The following EYS variants were observed in gnomAD, a reference collection of about 807,000 sequenced individuals.
EYS encodes the protein protein eyes shut homolog.
A neutral mutation model predicts 282.1 loss-of-function variants in EYS; 250 were observed. That is an observed-to-expected ratio of 0.89 (90% confidence interval 0.80 to 0.98). The LOEUF (loss-of-function observed/expected upper bound fraction) is 0.98, where lower values mean the gene tolerates loss of function less well. Ranked by LOEUF, EYS falls within the 50% of genes least tolerant of loss-of-function variation. The probability of loss-of-function intolerance (pLI) is 0.00; values close to 1 mark genes in which losing one functional copy is unlikely to be tolerated. For missense variants in EYS, 4,016 were observed against 3,709.0 expected, an observed-to-expected ratio of 1.08 and a Z score of -2.15; for synonymous variants, 1,355 against 1,282.9, an observed-to-expected ratio of 1.06 and a Z score of -1.20.
intron 11 of EYS, 139 bp downstream of exon 11, chr6:65,334,841 T>C: frequency 5.8e-6 from 4 of 686,438 alleles, no homozygotes; most frequent in South Asian, 5.3e-5. Context: ...ACTATATATG[T>C]ATATGTAAGT....
rs769300420 is a variant in EYS at position 65,494,771 on chromosome 6, G to A, written c.640C>T (p.Leu214Phe). Residue 214 changes from leucine (L) to phenylalanine (F), a missense_variant, in exon 4 of 43, where the codon CTT becomes TTT. By Grantham distance (22) the Leu-to-Phe change is conservative. Transcript: ENST00000503581. The stretch of plus-strand genomic sequence containing the variant: ...CATGGTTTAAAAGAACATGCATCAA[G>A]TTCCTGGCAGTATTTTCCAGAAAAT... ...PPFSGKYCQE[L>F]DACSFKPCKN... The A allele has an allele frequency of 1.2e-6, 2 of 1,614,048 alleles. No individual in the cohort carries two copies. Among genetic ancestry groups the A allele is most frequent in the South Asian group, 1.1e-5 (1 of 91,080 alleles).
In EYS at chr6:64,502,257, T is replaced by G. The variant is rs565497039; in HGVS notation, c.5645-62905A>C. On this transcript the variant is annotated intron_variant, in intron 26 of 42. Transcript: ENST00000503581. ...GTTTTGTTTTGTTTTGTTTTGTTTT[T>G]TTTGCCGGAGTCTCCCTCTGTCGCC... 1.5e-3 allele frequency among the ~76,000 whole-genome samples: 224 copies of G among 151,246 alleles called. 1 individual carries two copies. Among genetic ancestry groups the G allele is most frequent in the African/African-American group, 7.4e-4 (30 of 40,738 alleles).
rs1764476685 is a variant in EYS, at chr6:65,146,298, T to C, written c.2024-88571A>G. Among the ~76,000 whole-genome samples, 4 of 151,962 alleles carry C rather than the reference T, an allele frequency of 2.6e-5. No individual in the cohort carries two copies. The South Asian group carries it at 8.3e-4, about 32-fold the overall frequency. On this transcript the variant is annotated intron_variant, in intron 12 of 42. Transcript: ENST00000503581. ...TCATTAGGAAAGAAAATAACTGACA[T>C]AAACAATCGCAAAAACAAAAATAAT...
At chr6:65,187,549 A>C (rs1581996551) in intron 12 of EYS, among the ~76,000 whole-genome samples, 1 of 151,730 alleles carries the variant, frequency 6.6e-6, no homozygotes, top group Middle Eastern at 3.4e-3. Flanking sequence ...TGCAGTTTTC[A>C]CTTCTATTTG....
chr6:64,297,494 T>C (rs1769073278), intron 30 of EYS, among the ~76,000 whole-genome samples: 1 of 152,158 alleles, frequency 6.6e-6, no homozygotes, highest in African/African-American at 2.4e-5. Context: ...TTTTGAAAAC[T>C]AAAGACGAAG....
chr6:65,207,280 A>G (rs1163157000), intron 12 of EYS, among the ~76,000 whole-genome samples: 1 of 151,640 alleles, frequency 6.6e-6, no homozygotes, highest in Non-Finnish European at 1.5e-5. Context: ...AAATAGCCAC[A>G]TGCACAAACA....
At chr6:65,535,422 T>A (rs769423379) in intron 2 of EYS, among the ~76,000 whole-genome samples, 13 of 152,056 alleles carry the variant, frequency 8.5e-5, no homozygotes, top group Non-Finnish European at 1.6e-4. Context: ...GTTTTATAGA[T>A]GGGAGTTCCC....
chr6:64,590,326 T>C lies in EYS; in HGVS notation c.5541A>G (p.Gln1847=), dbSNP rs1766363009. 6.4e-7 allele frequency: 1 copy of C among 1,551,098 alleles called. No individual in the cohort carries two copies. The highest frequency in any genetic ancestry group is 2.0e-5 in the Admixed American group (1 of 50,954). ...GGCTTGCAGTGGGAAATTCCTGATA[T>C]TGCACACTAGGCTGAAGTTCCCATT... ...WSKWELQPSV[Q]YQEFPTASRH... Residue 1847 remains glutamine, a synonymous_variant, in exon 26 of 43, where the codon CAA becomes CAG. Transcript: ENST00000503581.
chr6:64,260,599 T>G (rs1269097563), intron 30 of EYS, among the ~76,000 whole-genome samples: 1 of 152,094 alleles, frequency 6.6e-6, no homozygotes, highest in African/African-American at 2.4e-5. Context: ...ATATTTAATC[T>G]GCCCTCTCTA....
chr6:64,132,386 G>T (rs1041243570), intron 31 of EYS, among the ~76,000 whole-genome samples: 5 of 151,646 alleles, frequency 3.3e-5, no homozygotes, highest in African/African-American at 9.7e-5. Context: ...GATTAAAAAG[G>T]TCCAAAAATG....
intron 12 of EYS, among the ~76,000 whole-genome samples, chr6:65,172,755 G>A (rs1562003598): frequency 6.6e-6 from 1 of 151,186 alleles, no homozygotes; most frequent in African/African-American, 2.4e-5. Context: ...TTGATAACAT[G>A]GTCTTGAGAG....
intron 2 of EYS, among the ~76,000 whole-genome samples, chr6:65,496,436 C>T (rs1344884068): frequency 6.6e-6 from 1 of 151,818 alleles, no homozygotes; most frequent in Non-Finnish European, 1.5e-5. Flanking sequence ...AATCACTCTA[C>T]TACTTGATTA....
At chr6:65,584,399 T>C (rs1764972321) in intron 2 of EYS, among the ~76,000 whole-genome samples, 1 of 152,058 alleles carries the variant, frequency 6.6e-6, no homozygotes. Context: ...ATGTCAACAT[T>C]AGGAGACCCT....
intron 12 of EYS, among the ~76,000 whole-genome samples, chr6:65,157,409 T>C (rs1238263182): frequency 6.6e-6 from 1 of 150,790 alleles, no homozygotes; most frequent in Non-Finnish European, 1.5e-5. Flanking sequence ...ATTTCTATAC[T>C]TACCTACCAC....
At chr6:64,317,338 GAA>G (rs59815012) in intron 29 of EYS, among the ~76,000 whole-genome samples, 10 of 134,370 alleles carry the variant, frequency 7.4e-5, no homozygotes, top group African/African-American at 2.7e-4. Context: ...AAATTTACAA[GAA>G]AAAAAAAAAA....
intron 30 of EYS, among the ~76,000 whole-genome samples, chr6:64,300,605 C>A (rs1034802190): frequency 5.3e-5 from 8 of 152,142 alleles, no homozygotes; most frequent in African/African-American, 1.9e-4. Flanking sequence ...CCATATGGAA[C>A]AATCAAACAG....
chr6:64,974,533 G>A (rs537170398), intron 14 of EYS, among the ~76,000 whole-genome samples: 8 of 151,924 alleles, frequency 5.3e-5, no homozygotes, highest in African/African-American at 1.7e-4. Context: ...TTCTTAGAGT[G>A]ACTCTGCTCC....
chr6:64,623,658 G>A (rs775465382), intron 23 of EYS, among the ~76,000 whole-genome samples: 15 of 152,034 alleles, frequency 9.9e-5, no homozygotes, highest in Non-Finnish European at 2.1e-4. Flanking sequence ...AAATTATAGA[G>A]AAAAATTAGT....
intron 31 of EYS, among the ~76,000 whole-genome samples, chr6:64,220,520 A>G (rs1357373367): frequency 6.6e-6 from 1 of 152,102 alleles, no homozygotes; most frequent in East Asian, 1.9e-4. Context: ...CCTTAGCTAA[A>G]CTGGACAGCC....
Sources: allele counts gnomAD v4.1 joint callset (sites outside exome capture counted in the v4.1 genomes callset), GRCh38; gene constraint gnomAD v4.1.1; transcripts MANE v1.5; gene names NCBI Gene and HGNC (gene_info 2026-07-23, HGNC 2026-07-21).